Variants in RGP1 observed in about 807,000 individuals in gnomAD.
RGP1 encodes RGP1 partner of RAB6A GEF complex.
Under a neutral mutation model 44.5 loss-of-function variants are expected in RGP1, and 28 were observed. The observed-to-expected ratio is 0.63, with a 90% CI of 0.47 to 0.86. The LOEUF (loss-of-function observed/expected upper bound fraction) is 0.86. RGP1 is among the 40% of genes least tolerant of loss of function. The probability of loss-of-function intolerance (pLI) is 0.00; values close to 1 mark genes in which losing one functional copy is unlikely to be tolerated. For missense variants in RGP1, 417 were observed against 490.7 expected, an observed-to-expected ratio of 0.85 and a Z score of 1.42; for synonymous variants, 212 against 196.7, an observed-to-expected ratio of 1.08 and a Z score of -0.65.
rs1238707235 is a variant in RGP1, at chr9:35,750,435, C to T, written c.253+56C>T. ...GGGGTGCGGAGGGTGTGTGTGGAGG[C>T]ATTGTCACCCATGGGTGAAGTTGTT... On this transcript the variant is annotated intron_variant, in intron 3 of 8. Coordinates refer to ENST00000378078, the MANE Select transcript of RGP1 (RefSeq NM_001080496.3). 2.4e-5 allele frequency: 37 copies of T among 1,572,842 alleles called. No individual in the cohort carries two copies. In the East Asian group the frequency reaches 7.6e-4, roughly 32 times the overall value.
At chr9:35,784,891 A>G in the RGP1 span, among the ~76,000 whole-genome samples, 1 of 152,114 alleles carries the variant, frequency 6.6e-6, no homozygotes, top group Non-Finnish European at 1.5e-5. Context: ...CTACAGGCAC[A>G]CACCACCCCT....
At chr9:35,769,934 T>A in the RGP1 span, among the ~76,000 whole-genome samples, 1 of 152,362 alleles carries the variant, frequency 6.6e-6, no homozygotes, top group Admixed American at 6.5e-5. Flanking sequence ...AATCTGCATG[T>A]CTGGTTCATT....
chr9:35,778,102 C>T, the RGP1 span, among the ~76,000 whole-genome samples: 2 of 152,212 alleles, frequency 1.3e-5, no homozygotes, highest in South Asian at 4.1e-4. Flanking sequence ...GAGTTTGAGA[C>T]CAGCCTGATC....
chr9:35,776,283 CCTTCTT>C, the RGP1 span, among the ~76,000 whole-genome samples: 8 of 151,882 alleles, frequency 5.3e-5, no homozygotes, highest in East Asian at 1.4e-3. Flanking sequence ...TTCTCCTTCT[CCTTCTT>C]CTTCTTTTTT....
chr9:35,772,144 G>A, the RGP1 span: 6 of 152,198 alleles, frequency 3.9e-5, no homozygotes, highest in Admixed American at 2.0e-4. Flanking sequence ...AGTGAAACAA[G>A]GTCATTTTCT....
chr9:35,750,062 T>G (rs1012593337), intron 2 of RGP1, among the ~76,000 whole-genome samples, 181 bp from the exon 3 acceptor site: 3 of 152,190 alleles, frequency 2.0e-5, no homozygotes, highest in Non-Finnish European at 4.4e-5. Context: ...CCCTCCCCCG[T>G]TCCCCTTTTT....
At position 35,749,439 on chromosome 9, in the gene RGP1, C is replaced by T. The variant is rs574677633; in HGVS notation, c.-20+31C>T. ...TAGCGGCGGTGATCTTGGGCTGGGA[C>T]GTGGAACTTTGAGGAAAGGGGGAGC... On this transcript the variant is annotated intron_variant, in intron 1 of 8. Coordinates refer to ENST00000378078, the MANE Select transcript of RGP1 (RefSeq NM_001080496.3). This position sits in a 1 kb window ranked among gnomAD's most constrained non-coding sequence, Gnocchi z 4.4. 2.4e-5 allele frequency: 14 copies of T among 591,316 alleles called. No individual in the cohort carries two copies. Among genetic ancestry groups the T allele is most frequent in the South Asian group, 1.4e-4 (10 of 72,518 alleles). The allele number at this position is 591,316 out of a possible 1,614,324, so 36.6% of individuals were successfully genotyped here.
chr9:35,771,192 A>G, the RGP1 span, among the ~76,000 whole-genome samples: 3 of 152,002 alleles, frequency 2.0e-5, no homozygotes, highest in East Asian at 3.9e-4. Flanking sequence ...CGTAACAAAT[A>G]TTTATAGTAA....
At chr9:35,789,121 G>A in the RGP1 span, among the ~76,000 whole-genome samples, 1 of 134,132 alleles carries the variant, frequency 7.5e-6, no homozygotes, top group Admixed American at 7.2e-5. Context: ...AGATTCAAGC[G>A]GTTTTCCTGC....
chr9:35,766,319 A>C, the RGP1 span, among the ~76,000 whole-genome samples: 2 of 152,150 alleles, frequency 1.3e-5, no homozygotes, highest in Non-Finnish European at 2.9e-5. Context: ...CATTTAAAAA[A>C]CTGGAATGTT....
chr9:35,764,455 A>G, the RGP1 span, among the ~76,000 whole-genome samples: 1 of 152,254 alleles, frequency 6.6e-6, no homozygotes, highest in African/African-American at 2.4e-5. Flanking sequence ...GCCAGCTACT[A>G]TTGATAACAA....
At chr9:35,763,652 C>A in the RGP1 span, among the ~76,000 whole-genome samples, 1 of 152,120 alleles carries the variant, frequency 6.6e-6, no homozygotes, top group Admixed American at 6.6e-5. Context: ...GAGGCCAAGG[C>A]AGGCAGATCA....
At chr9:35,750,441 C>A in intron 3 of RGP1, 62 bp downstream of exon 3, 1 of 1,568,014 alleles carries the variant, frequency 6.4e-7, no homozygotes, top group South Asian at 1.1e-5. Flanking sequence ...GAGGCATTGT[C>A]ACCCATGGGT....
chr9:35,759,802 A>G (rs996950728), downstream of RGP1, among the ~76,000 whole-genome samples: 2 of 151,684 alleles, frequency 1.3e-5, no homozygotes, highest in African/African-American at 2.4e-5. Flanking sequence ...TCTTTGCTGG[A>G]GAATTTTTAT....
chr9:35,762,741 G>T (rs186452569), downstream of RGP1, among the ~76,000 whole-genome samples: 48 of 152,192 alleles, frequency 3.2e-4, no homozygotes, highest in African/African-American at 1.1e-3. Context: ...GCTAGCTGGG[G>T]CTCTGAGCCC....
chr9:35,759,630 T>TCTCCA (rs1394758142), downstream of RGP1, among the ~76,000 whole-genome samples: 1 of 146,436 alleles, frequency 6.8e-6, no homozygotes, highest in East Asian at 2.1e-4. Context: ...TGAAATTGCT[T>TCTCCA]CTCCACTTTC....
chr9:35,769,748 G>A, the RGP1 span, among the ~76,000 whole-genome samples: 1 of 152,132 alleles, frequency 6.6e-6, no homozygotes, highest in Non-Finnish European at 1.5e-5. Context: ...GGGATGTGAC[G>A]TGAGATGAGG....
At chr9:35,750,551 A>G (rs1827232472) in intron 3 of RGP1, 107 bp from the exon 4 acceptor site, 1 of 1,356,062 alleles carries the variant, frequency 7.4e-7, no homozygotes, top group Non-Finnish European at 1.0e-6. Context: ...CCCATTTCAC[A>G]GCAGGGACGG....
In RGP1 at chr9:35,753,992, C is replaced by T. The variant is rs745565120; in HGVS notation, c.*1118C>T. 3 of 1,611,240 alleles carry T rather than the reference C, an allele frequency of 1.9e-6. No homozygotes were observed. The highest frequency in any genetic ancestry group is 2.5e-6 in the Non-Finnish European group (3 of 1,178,074). On this transcript the variant is annotated 3_prime_UTR_variant, in exon 9 of 9. Coordinates refer to ENST00000378078, the MANE Select transcript of RGP1 (RefSeq NM_001080496.3). The surrounding 1 kb of genome is among the most constrained non-coding windows in gnomAD (Gnocchi z 4.2). ...CTCCTCCATTCCTAACGCTTCACCC[C>T]ACTTTACCTTGAGCTTGGAAGTAGC...
Sources: gnomAD v4.1 joint callset for allele counts (sites outside exome capture counted in the v4.1 genomes callset) on GRCh38, gnomAD v4.1.1 for gene constraint, Gnocchi (gnomAD v3.1) non-coding constraint, MANE v1.5 for transcripts, NCBI Gene and HGNC (gene_info 2026-07-23, HGNC 2026-07-21) for gene names.